ZBTB16: variants seen among roughly 807,000 people sequenced by gnomAD.
ZBTB16 encodes zinc finger and BTB domain containing 16.
ZBTB16 carries 8 observed loss-of-function variants against 56.8 expected under a neutral mutation model. The ratio of observed to expected loss-of-function variants is 0.14; its 90% CI spans 0.08 to 0.25. ZBTB16 has a LOEUF of 0.25. Among genes scored for constraint, ZBTB16 ranks in the 10% least tolerant of loss-of-function variants. The pLI is 1.00. For synonymous variants in ZBTB16, 363 were observed against 368.5 expected, an observed-to-expected ratio of 0.98 and a Z score of 0.17; for missense variants, 625 against 903.0, an observed-to-expected ratio of 0.69 and a Z score of 3.95.
intron 2 of ZBTB16, among the ~76,000 whole-genome samples, chr11:114,105,217 G>A (rs978052929): frequency 4.6e-5 from 7 of 151,492 alleles, no homozygotes; most frequent in South Asian, 2.1e-4. Context: ...CCAAAACGCT[G>A]AATTAATTCT....
chr11:114,078,981 A>G (rs944033192), intron 2 of ZBTB16, among the ~76,000 whole-genome samples: 1 of 151,414 alleles, frequency 6.6e-6, no homozygotes, highest in Non-Finnish European at 1.5e-5. Flanking sequence ...TTGGGATTAC[A>G]GGTGCCTGTA....
At position 114,130,784 on chromosome 11, in the gene ZBTB16, T is replaced by C. The variant is rs75130399; in HGVS notation, c.1269-25553T>C. Among the ~76,000 whole-genome samples the C allele has an allele frequency of 4.1e-3, 628 of 152,336 alleles. 5 individuals are homozygous for C. Among genetic ancestry groups the C allele is most frequent in the African/African-American group, 0.014 (593 of 41,588 alleles). Reference sequence around the variant, plus strand: ...CTTTATGAGGCTAAGTAAGCGTGGCTTAAGGTGATACTGTGCATGTGTGTG... The same window carrying C: ...CTTTATGAGGCTAAGTAAGCGTGGCCTAAGGTGATACTGTGCATGTGTGTG... On this transcript the variant is annotated intron_variant, in intron 2 of 6. Coordinates refer to ENST00000335953, the MANE Select transcript of ZBTB16 (RefSeq NM_006006.6).
intron 2 of ZBTB16, among the ~76,000 whole-genome samples, chr11:114,134,867 T>A (rs1376366359): frequency 1.3e-5 from 2 of 152,342 alleles, no homozygotes; most frequent in Non-Finnish European, 1.5e-5. Flanking sequence ...GACACTGCTG[T>A]GTTCTTTTAA....
intron 2 of ZBTB16, among the ~76,000 whole-genome samples, chr11:114,072,386 C>T (rs1194334973): frequency 2.0e-5 from 3 of 152,224 alleles, no homozygotes; most frequent in African/African-American, 7.2e-5. Flanking sequence ...GCCATCGGGT[C>T]CAAATGCCGG....
intron 2 of ZBTB16, among the ~76,000 whole-genome samples, chr11:114,104,314 C>T (rs941187153): frequency 1.1e-4 from 16 of 152,100 alleles, no homozygotes; most frequent in African/African-American, 3.6e-4. Flanking sequence ...CAAGCATGTG[C>T]GAGCCTGTAG....
intron 3 of ZBTB16, among the ~76,000 whole-genome samples, chr11:114,176,576 G>A (rs1021591282): frequency 3.3e-5 from 5 of 152,282 alleles, no homozygotes; most frequent in Admixed American, 3.3e-4. Context: ...CCCAGCCCTC[G>A]CTTGGTCTCA....
chr11:114,190,273 C>G (rs1014210804), intron 4 of ZBTB16, among the ~76,000 whole-genome samples: 5 of 152,100 alleles, frequency 3.3e-5, no homozygotes, highest in Non-Finnish European at 7.3e-5. Flanking sequence ...TGAGGCTCCT[C>G]GACTTACAAT....
chr11:114,131,683 T>C (rs918320628), intron 2 of ZBTB16, among the ~76,000 whole-genome samples: 3 of 152,162 alleles, frequency 2.0e-5, no homozygotes, highest in African/African-American at 7.2e-5. Context: ...CTTTTTTTCA[T>C]TGCAGTTCAA....
chr11:114,085,545 A>G (rs1223039010), intron 2 of ZBTB16, among the ~76,000 whole-genome samples: 1 of 152,102 alleles, frequency 6.6e-6, no homozygotes, highest in African/African-American at 2.4e-5. Flanking sequence ...TGTATGATTA[A>G]ATATTATATA....
chr11:114,209,360 C>T (rs1318374728), intron 4 of ZBTB16: 7 of 984,760 alleles, frequency 7.1e-6, no homozygotes, highest in Non-Finnish European at 8.4e-6. Flanking sequence ...TCTTGATCTA[C>T]TGTTTTTCAG....
At chr11:114,094,097 C>T (rs1031040714) in intron 2 of ZBTB16, among the ~76,000 whole-genome samples, 7 of 152,096 alleles carry the variant, frequency 4.6e-5, no homozygotes, top group African/African-American at 9.7e-5. Flanking sequence ...AGGTGGATCA[C>T]GAGGTCAGGA....
intron 3 of ZBTB16, among the ~76,000 whole-genome samples, chr11:114,171,642 G>A (rs950578489): frequency 1.3e-5 from 2 of 152,246 alleles, no homozygotes; most frequent in Non-Finnish European, 2.9e-5. Context: ...CAAGGCCGGC[G>A]TGGCTTTCTT....
intron 4 of ZBTB16, among the ~76,000 whole-genome samples, chr11:114,197,419 C>T (rs1002945722): frequency 2.6e-5 from 4 of 152,142 alleles, no homozygotes; most frequent in Admixed American, 2.0e-4. Flanking sequence ...GAGGCATATA[C>T]TCTGTCTTCC....
At chr11:114,085,139 G>A (rs1939913833) in intron 2 of ZBTB16, among the ~76,000 whole-genome samples, 1 of 152,220 alleles carries the variant, frequency 6.6e-6, no homozygotes, top group African/African-American at 2.4e-5. Flanking sequence ...AGTGGAGGCT[G>A]TGGCCCACAG....
chr11:114,160,672 T>C (rs1254826242), intron 3 of ZBTB16, among the ~76,000 whole-genome samples: 1 of 152,216 alleles, frequency 6.6e-6, no homozygotes, highest in African/African-American at 2.4e-5. Context: ...GCCTAAATGG[T>C]AGTAGTGAAT....
chr11:114,119,581 G>T (rs1398472938), intron 2 of ZBTB16, among the ~76,000 whole-genome samples: 1 of 152,164 alleles, frequency 6.6e-6, no homozygotes, highest in Non-Finnish European at 1.5e-5. Context: ...TGTAGGATCA[G>T]AGAAGTTTAG....
intron 4 of ZBTB16, among the ~76,000 whole-genome samples, chr11:114,230,394 T>C (rs988272737): frequency 2.0e-5 from 3 of 151,962 alleles, no homozygotes; most frequent in Non-Finnish European, 4.4e-5. Context: ...TCTGGGAGCT[T>C]TTTTATATTT....
chr11:114,242,485 C>T, intron 5 of ZBTB16, 148 bp downstream of exon 5: 1 of 1,190,630 alleles, frequency 8.4e-7, no homozygotes, highest in Non-Finnish European at 1.2e-6. Context: ...GCCCGTCGTG[C>T]AGGTAAATGT....
intron 4 of ZBTB16, among the ~76,000 whole-genome samples, chr11:114,230,133 G>A (rs906826060): frequency 3.9e-5 from 6 of 152,168 alleles, no homozygotes; most frequent in Admixed American, 2.0e-4. Context: ...TGGGTCTGAC[G>A]TAGAGCTCCT....
Sources: gnomAD v4.1 joint callset for allele counts (sites outside exome capture counted in the v4.1 genomes callset) on GRCh38, gnomAD v4.1.1 for gene constraint, MANE v1.5 for transcripts, NCBI Gene and HGNC (gene_info 2026-07-23, HGNC 2026-07-21) for gene names.